The following SPOCK1 variants were observed in gnomAD, a reference collection of about 807,000 sequenced individuals.
SPOCK1 encodes the protein testican-1.
In SPOCK1, 23 loss-of-function variants were observed where a neutral mutation model predicts 55.3. That is an observed-to-expected ratio of 0.42 (90% confidence interval 0.30 to 0.59). The LOEUF (loss-of-function observed/expected upper bound fraction) is 0.59. Among genes scored for constraint, SPOCK1 ranks in the 20% least tolerant of loss-of-function variants. SPOCK1 has a pLI of 0.22. For synonymous variants in SPOCK1, 226 were observed against 221.0 expected, an observed-to-expected ratio of 1.02 and a Z score of -0.20; for missense variants, 499 against 552.5, an observed-to-expected ratio of 0.90 and a Z score of 0.97.
intron 2 of SPOCK1, among the ~76,000 whole-genome samples, chr5:137,334,121 G>C (rs1251025124): frequency 6.6e-6 from 1 of 152,158 alleles, no homozygotes; most frequent in Non-Finnish European, 1.5e-5. Context: ...TGTGCTGTGA[G>C]CTGTACAAAA....
At chr5:137,098,115 G>A (rs964022410) in intron 5 of SPOCK1, among the ~76,000 whole-genome samples, 4 of 152,178 alleles carry the variant, frequency 2.6e-5, no homozygotes, top group Non-Finnish European at 4.4e-5. Context: ...CATACTGTTC[G>A]ATGAATTTAA....
chr5:137,262,049 A>C (rs960910597), intron 3 of SPOCK1, among the ~76,000 whole-genome samples: 1 of 152,194 alleles, frequency 6.6e-6, no homozygotes, highest in African/African-American at 2.4e-5. Context: ...AAGTACTATA[A>C]ATAAGTTTCC....
intron 2 of SPOCK1, among the ~76,000 whole-genome samples, chr5:137,475,599 T>TA (rs1753823290): frequency 6.6e-6 from 1 of 151,922 alleles, no homozygotes; most frequent in Non-Finnish European, 1.5e-5. Flanking sequence ...TTTATTTATT[T>TA]TGAGACAAGG....
chr5:137,363,690 C>T (rs750716367), intron 2 of SPOCK1, among the ~76,000 whole-genome samples: 1 of 152,222 alleles, frequency 6.6e-6, no homozygotes, highest in Non-Finnish European at 1.5e-5. Flanking sequence ...CAGCACGAGG[C>T]AGATACCAGG....
At chr5:137,333,386 G>T (rs1369713045) in intron 2 of SPOCK1, among the ~76,000 whole-genome samples, 4 of 152,132 alleles carry the variant, frequency 2.6e-5, no homozygotes, top group African/African-American at 4.8e-5. Context: ...AAGAGTTGAG[G>T]AGGAGGGAGC....
chr5:137,393,910 C>T (rs1751783826), intron 2 of SPOCK1, among the ~76,000 whole-genome samples: 1 of 152,126 alleles, frequency 6.6e-6, no homozygotes, highest in Non-Finnish European at 1.5e-5. Context: ...AAGTGGTTAT[C>T]TCCAGATGTT....
At chr5:137,403,131 CCATTTA>C (rs1271755171) in intron 2 of SPOCK1, among the ~76,000 whole-genome samples, 1 of 152,186 alleles carries the variant, frequency 6.6e-6, no homozygotes, top group East Asian at 1.9e-4. Context: ...ACCTTAATTC[CCATTTA>C]CAGAGAAAGA....
intron 6 of SPOCK1, among the ~76,000 whole-genome samples, chr5:136,995,244 C>T (rs183162644): frequency 6.6e-6 from 1 of 152,294 alleles, no homozygotes; most frequent in Non-Finnish European, 1.5e-5. Flanking sequence ...TCCCCTTCAA[C>T]TGTTTAAGAT....
At chr5:137,230,935 G>A (rs1344724875) in intron 3 of SPOCK1, among the ~76,000 whole-genome samples, 2 of 146,862 alleles carry the variant, frequency 1.4e-5, no homozygotes, top group African/African-American at 5.1e-5. Flanking sequence ...GTGTATGTGT[G>A]TGTATGTATG....
At chr5:137,294,490 G>GT (rs1757438289) in intron 2 of SPOCK1, among the ~76,000 whole-genome samples, 1 of 152,208 alleles carries the variant, frequency 6.6e-6, no homozygotes, top group Non-Finnish European at 1.5e-5. Context: ...CAACACCCAT[G>GT]CTGTCTCCAT....
At chr5:137,240,984 C>G (rs972484904) in intron 3 of SPOCK1, among the ~76,000 whole-genome samples, 3 of 152,144 alleles carry the variant, frequency 2.0e-5, no homozygotes, top group African/African-American at 7.2e-5. Flanking sequence ...GTATATTCAA[C>G]TAGTGACACA....
intron 2 of SPOCK1, among the ~76,000 whole-genome samples, chr5:137,432,212 T>G (rs1359706782): frequency 1.3e-5 from 2 of 152,100 alleles, no homozygotes; most frequent in Admixed American, 1.3e-4. Flanking sequence ...CTCAAAAAGA[T>G]AAACATAGAA....
intron 2 of SPOCK1, among the ~76,000 whole-genome samples, chr5:137,469,747 A>T (rs550977799): frequency 6.6e-6 from 1 of 152,210 alleles, no homozygotes; most frequent in Non-Finnish European, 1.5e-5. Flanking sequence ...CTGATGGCTC[A>T]GAACTGTCTT....
At chr5:137,039,403 C>A (rs773640876) in intron 6 of SPOCK1, among the ~76,000 whole-genome samples, 24 of 150,910 alleles carry the variant, frequency 1.6e-4, no homozygotes, top group Non-Finnish European at 3.4e-4. Flanking sequence ...TCCTTGAGGA[C>A]CTCAATGCCC....
At chr5:137,429,722 C>T (rs577773543) in intron 2 of SPOCK1, among the ~76,000 whole-genome samples, 42 of 152,328 alleles carry the variant, frequency 2.8e-4, no homozygotes, top group Non-Finnish European at 5.0e-4. Flanking sequence ...ATCCACAGTT[C>T]AATCCTTAGC....
At chr5:137,089,077 G>A (rs1471916533) in intron 5 of SPOCK1, among the ~76,000 whole-genome samples, 1 of 152,112 alleles carries the variant, frequency 6.6e-6, no homozygotes, top group East Asian at 1.9e-4. Context: ...ATGGAGGAGG[G>A]ACTAGAACGG....
intron 4 of SPOCK1, among the ~76,000 whole-genome samples, chr5:137,115,742 C>A (rs1231469896): frequency 6.6e-6 from 1 of 152,092 alleles, no homozygotes; most frequent in Non-Finnish European, 1.5e-5. Flanking sequence ...GTGGAGATAG[C>A]ACATGATTCT....
chr5:137,028,079 C>T (rs1417881413), intron 6 of SPOCK1, among the ~76,000 whole-genome samples: 2 of 152,200 alleles, frequency 1.3e-5, no homozygotes, highest in Admixed American at 6.5e-5. Flanking sequence ...GGGGTACCCA[C>T]ACCTCTTGTG....
chr5:137,074,693 TTTGTTGTTGTTG>T (rs59523966), intron 5 of SPOCK1, among the ~76,000 whole-genome samples: 7 of 148,532 alleles, frequency 4.7e-5, no homozygotes, highest in South Asian at 2.2e-4. Context: ...ATTTTTGTAT[TTTGTTGTTGTTG>T]TTGTTGTTGT....
Sources: gnomAD v4.1 joint callset for allele counts (sites outside exome capture counted in the v4.1 genomes callset) on GRCh38, gnomAD v4.1.1 for gene constraint, MANE v1.5 for transcripts, NCBI Gene and HGNC (gene_info 2026-07-23, HGNC 2026-07-21) for gene names.